Variants in SLC24A4 observed in about 807,000 individuals in gnomAD.
SLC24A4 encodes the protein solute carrier family 24 member 4.
SLC24A4 carries 53 observed loss-of-function variants against 79.0 expected under a neutral mutation model. That is an observed-to-expected ratio of 0.67 (90% CI 0.54 to 0.84). SLC24A4 has a LOEUF of 0.84. SLC24A4 is among the 40% of genes least tolerant of loss of function. The pLI is 0.00. For synonymous variants in SLC24A4, 323 were observed against 323.8 expected (o/e 1.00, Z 0.03); for missense variants, 731 against 822.0 (o/e 0.89, Z 1.35).
intron 12 of SLC24A4, among the ~76,000 whole-genome samples, chr14:92,468,752 CAATATG>C (rs1241461071): frequency 2.0e-5 from 3 of 152,076 alleles, no homozygotes; most frequent in Non-Finnish European, 4.4e-5. Flanking sequence ...AAAGTTAACT[CAATATG>C]AAACAAAAAC....
chr14:92,357,965 CA>C (rs1887275570), intron 2 of SLC24A4, among the ~76,000 whole-genome samples: 1 of 152,204 alleles, frequency 6.6e-6, no homozygotes, highest in African/African-American at 2.4e-5. Flanking sequence ...GTCTTGCAGA[CA>C]GAACTCCTTG....
At chr14:92,448,286 TA>T (rs1351152384) in intron 9 of SLC24A4, among the ~76,000 whole-genome samples, 2 of 150,360 alleles carry the variant, frequency 1.3e-5, no homozygotes, top group African/African-American at 4.9e-5. Flanking sequence ...TTTGTGCCCT[TA>T]AAAAGGGAAA....
intron 14 of SLC24A4, 21 bp downstream of exon 14, chr14:92,486,801 C>G: frequency 6.3e-7 from 1 of 1,580,086 alleles, no homozygotes; most frequent in Non-Finnish European, 8.7e-7. Flanking sequence ...TGCCCCAGCC[C>G]TCATAGTCAT....
At position 92,363,485 on chromosome 14, in the gene SLC24A4, A is replaced by G. The variant is rs566763905; in HGVS notation, c.241+37507A>G. Among the ~76,000 whole-genome samples the G allele has an allele frequency of 2.2e-4, 33 of 152,358 alleles. 1 individual carries two copies. In the South Asian group the frequency reaches 6.8e-3, roughly 32 times the overall value. ...TTAACAGTCCAGGTGAACAGCAGCC[A>G]GGGATTTGCCAAGCGTTGCATGTAG... On this transcript the variant is annotated intron_variant, in intron 2 of 16. Transcript: ENST00000532405.
At chr14:92,446,841 A>C (rs1449817386) in intron 8 of SLC24A4, among the ~76,000 whole-genome samples, 1 of 152,232 alleles carries the variant, frequency 6.6e-6, no homozygotes, top group Non-Finnish European at 1.5e-5. Flanking sequence ...TAATGGTTGC[A>C]TCCCAGGAAG....
intron 10 of SLC24A4, 98 bp from the exon 11 acceptor site, chr14:92,453,802 C>G (rs1893292505): frequency 7.3e-7 from 1 of 1,377,546 alleles, no homozygotes; most frequent in East Asian, 2.5e-5. Flanking sequence ...AGGACCACAG[C>G]CTAGGGCAGC....
rs71899331 is a variant in SLC24A4 at position 92,372,939 on chromosome 14, TTCTC to T, written c.241+46976_241+46979del. Among the ~76,000 whole-genome samples, 8 of 120,456 alleles carry T rather than the reference TTCTC, an allele frequency of 6.6e-5. 1 individual carries two copies. The highest frequency in any genetic ancestry group is 4.0e-3 in the Middle Eastern group (1 of 252). 79.0% of individuals were successfully genotyped at this position (120,456 alleles called of 152,430 possible). ...TTCCTTTCTTTCTCTTTCTTTCTTT[TTCTC>T]TCTCTCTCTCTCTCCCTCTCTCTCT... On this transcript the variant is annotated intron_variant, in intron 2 of 16. Transcript: ENST00000532405.
At chr14:92,375,006 A>G (rs1888422739) in intron 2 of SLC24A4, among the ~76,000 whole-genome samples, 1 of 152,210 alleles carries the variant, frequency 6.6e-6, no homozygotes, top group Non-Finnish European at 1.5e-5. Context: ...ATCTGGTTAG[A>G]AACGAGGCTA....
intron 2 of SLC24A4, among the ~76,000 whole-genome samples, chr14:92,420,434 G>A (rs777548472): frequency 2.6e-5 from 4 of 151,976 alleles, no homozygotes; most frequent in East Asian, 3.9e-4. Context: ...AGCCAAGATC[G>A]TGCCACTGCA....
chr14:92,390,402 G>T (rs117801167), intron 2 of SLC24A4, among the ~76,000 whole-genome samples: 6 of 152,170 alleles, frequency 3.9e-5, no homozygotes, highest in Non-Finnish European at 8.8e-5. Context: ...TTATATTTAA[G>T]ATATTTTTAA....
At chr14:92,397,831 A>G (rs1045555222) in intron 2 of SLC24A4, among the ~76,000 whole-genome samples, 4 of 152,218 alleles carry the variant, frequency 2.6e-5, no homozygotes, top group African/African-American at 9.6e-5. Flanking sequence ...GGCTTTTCCT[A>G]CCAATATTAT....
chr14:92,339,644 G>T (rs1004388752), intron 2 of SLC24A4, among the ~76,000 whole-genome samples: 1 of 152,074 alleles, frequency 6.6e-6, no homozygotes, highest in African/African-American at 2.4e-5. Context: ...GCGCGGGTGG[G>T]TATGGGTGGC....
intron 2 of SLC24A4, among the ~76,000 whole-genome samples, chr14:92,338,142 C>A (rs1281331791): frequency 2.6e-5 from 4 of 152,060 alleles, no homozygotes; most frequent in Non-Finnish European, 5.9e-5. Flanking sequence ...AGATAAAGTC[C>A]TTTCTGTTAG....
intron 2 of SLC24A4, among the ~76,000 whole-genome samples, chr14:92,338,474 G>A (rs763290872): frequency 6.6e-6 from 1 of 152,214 alleles, no homozygotes; most frequent in Non-Finnish European, 1.5e-5. Context: ...TTTGGTGAAA[G>A]CATGGTGCTT....
At chr14:92,363,036 G>A (rs1020855553) in intron 2 of SLC24A4, among the ~76,000 whole-genome samples, 1 of 152,136 alleles carries the variant, frequency 6.6e-6, no homozygotes, top group African/African-American at 2.4e-5. Flanking sequence ...AATGAAGCTT[G>A]GAGCACGCCA....
chr14:92,492,137 A>G (rs1447650055), intron 15 of SLC24A4, 38 bp from the exon 16 acceptor site: 1 of 1,590,358 alleles, frequency 6.3e-7, no homozygotes, highest in African/African-American at 1.4e-5. Flanking sequence ...GGCTCTGAGC[A>G]GTCAAGAGAC....
intron 3 of SLC24A4, among the ~76,000 whole-genome samples, chr14:92,437,168 G>A (rs909624686): frequency 4.6e-5 from 7 of 152,094 alleles, no homozygotes; most frequent in African/African-American, 1.4e-4. Context: ...CTCTTTTTCC[G>A]TGGGTCCTGA....
intron 2 of SLC24A4, among the ~76,000 whole-genome samples, chr14:92,327,906 T>C (rs1168119844): frequency 2.6e-5 from 4 of 152,226 alleles, no homozygotes; most frequent in Non-Finnish European, 4.4e-5. Flanking sequence ...GTATTGACTG[T>C]TTCCAGAATA....
chr14:92,431,867 G>A (rs909232342), intron 2 of SLC24A4, among the ~76,000 whole-genome samples: 8 of 152,218 alleles, frequency 5.3e-5, no homozygotes, highest in Non-Finnish European at 1.0e-4. Context: ...ACAGTGTGGC[G>A]TGATTTCCAC....
Sources: allele counts gnomAD v4.1 joint callset (sites outside exome capture counted in the v4.1 genomes callset), GRCh38; gene constraint gnomAD v4.1.1; transcripts MANE v1.5; gene names NCBI Gene and HGNC (gene_info 2026-07-23, HGNC 2026-07-21).